MGAM2: variants seen among roughly 807,000 people sequenced by gnomAD.
MGAM2 encodes maltase-glucoamylase 2 (putative), also known as probable maltase-glucoamylase 2.
Under a neutral mutation model 96.1 loss-of-function variants are expected in MGAM2, and 98 were observed. The observed-to-expected ratio is 1.02, with a 90% CI of 0.87 to 1.21. MGAM2 has a LOEUF of 1.21. Among genes scored for constraint, MGAM2 ranks in the 50% most tolerant of loss-of-function variants. The pLI is 0.00. For synonymous variants in MGAM2, 749 were observed against 414.8 expected, an observed-to-expected ratio of 1.81 and a Z score of -9.79; for missense variants, 2,055 against 1,182.4, an observed-to-expected ratio of 1.74 and a Z score of -10.82.
rs1443908425 is a variant in MGAM2 at position 142,161,232 on chromosome 7, C to A, written c.2434+19C>A. On this transcript the variant is annotated intron_variant, in intron 22 of 47. Coordinates refer to ENST00000477922, the MANE Select transcript of MGAM2 (RefSeq NM_001293626.2). ...TCTAAAGGTAGACTTTCTCAAGGCA[C>A]CATCCCTGTGGATCACTGTGGTTCT... 1 of 701,544 alleles carries A rather than the reference C, an allele frequency of 1.4e-6. No individual in the cohort carries two copies. The highest frequency in any genetic ancestry group is 2.6e-6 in the Non-Finnish European group (1 of 384,098). The allele number at this position is 701,544 out of a possible 1,614,324, so 43.5% of individuals were successfully genotyped here. A position where few individuals can be genotyped will look rare whatever the true frequency, so the allele number is the denominator to read the frequency against.
Position 142,188,109 on chromosome 7 carries a change from AACACACACACACACACACACAC to A in MGAM2, c.4207+296_4207+317del, listed in dbSNP as rs60052742. Reference sequence around the variant, plus strand: ...TGCTAAAATTTTAAATAAACCCTTAAACACACACACACACACACACACACACACACACACACACACACGTGGA... The same window carrying A: ...TGCTAAAATTTTAAATAAACCCTTAAACACACACACACACACACACGTGGA... On this transcript the variant is annotated intron_variant, in intron 36 of 47. Coordinates refer to ENST00000477922, the MANE Select transcript of MGAM2 (RefSeq NM_001293626.2). Among the ~76,000 whole-genome samples the A allele has an allele frequency of 1.7e-4, 25 of 143,660 alleles. 1 individual carries two copies. Among genetic ancestry groups the A allele is most frequent in the African/African-American group, 6.0e-4 (23 of 38,546 alleles). 94.2% of individuals were successfully genotyped at this position (143,660 alleles called of 152,430 possible). A position where few individuals can be genotyped will look rare whatever the true frequency, so the allele number is the denominator to read the frequency against.
At chr7:142,218,035 G>A (rs1797816581) in intron 46 of MGAM2, among the ~76,000 whole-genome samples, 1 of 152,118 alleles carries the variant, frequency 6.6e-6, no homozygotes, top group African/African-American at 2.4e-5. Context: ...AGTGAGCCCA[G>A]ACCACGCCAT....
intron 1 of MGAM2, among the ~76,000 whole-genome samples, chr7:142,115,031 C>T (rs961251872): frequency 2.6e-5 from 4 of 152,110 alleles, no homozygotes; most frequent in East Asian, 1.9e-4. Flanking sequence ...GCCTGGCCAA[C>T]GTGGTGAAAT....
In MGAM2 at chr7:142,221,471, A is replaced by C. The variant is rs2129109325; in HGVS notation, c.6960A>C (p.Thr2320=). 1.7e-6 allele frequency: 1 copy of C among 576,574 alleles called. No individual in the cohort carries two copies. The highest frequency in any genetic ancestry group is 1.9e-5 in the African/African-American group (1 of 53,712). The allele number at this position is 576,574 out of a possible 1,614,324, so 35.7% of individuals were successfully genotyped here. The stretch of plus-strand genomic sequence containing the variant: ...CTTCTATTTTGAGCATGTTTCCAAC[A>C]AGTAATACATTCACTACTGATAAAA... ...SITSILSMFP[T]SNTFTTDKIT... is the part of the protein sequence containing the mutation. Residue 2320 remains threonine (T), a synonymous_variant, in exon 48 of 48, where the codon ACA becomes ACC. Coordinates refer to ENST00000477922, the MANE Select transcript of MGAM2 (RefSeq NM_001293626.2).
At chr7:142,159,719 A>T in intron 20 of MGAM2, among the ~76,000 whole-genome samples, 1 of 152,198 alleles carries the variant, frequency 6.6e-6, no homozygotes, top group South Asian at 2.1e-4. Context: ...CACTCTGGGT[A>T]TTAAGTTTCA....
rs535378816 is a variant in MGAM2, at chr7:142,171,439, C to T, written c.3350C>T (p.Ala1117Val). ...ATGTTTGCTCATGATGAGCCACCTG[C>T]GGTAGGGACAAAGGAATAAGTTTAG... is the stretch of plus-strand genomic sequence containing the variant. Reference protein sequence around the residue: ...WGMFAHDEPPAYKKNSYGVHP... With the variant: ...WGMFAHDEPPVYKKNSYGVHP... The change falls in exon 28 of 48, where the codon GCG becomes GTG. Residue 1117 changes from alanine to valine, a missense_variant and splice_region_variant. Transcript: ENST00000477922. The T allele has an allele frequency of 6.8e-5, 48 of 702,646 alleles. No individual in the cohort carries two copies. The highest frequency in any genetic ancestry group is 1.1e-4 in the Non-Finnish European group (41 of 384,690). 43.5% of individuals were successfully genotyped at this position (702,646 alleles called of 1,614,324 possible).
chr7:142,169,964 A>G (rs1796141044), intron 26 of MGAM2, 111 bp from the exon 27 acceptor site: 1 of 572,288 alleles, frequency 1.7e-6, no homozygotes, highest in Admixed American at 3.2e-5. Flanking sequence ...TTTGATGCCT[A>G]CTGATATGGT....
chr7:142,153,998 C>G lies in MGAM2; in HGVS notation c.1635-20C>G, dbSNP rs1486245962. On this transcript the variant is annotated intron_variant, in intron 15 of 47. Transcript: ENST00000477922. ...CATTCACAGCCCACCTCACACTCCA[C>G]TGGATGTATTCCTTTCCAGAGCCCT... 4.9e-6 allele frequency: 3 copies of G among 617,022 alleles called. No homozygotes were observed. The South Asian group carries it at 5.6e-5, about 12-fold the overall frequency. 38.2% of individuals were successfully genotyped at this position (617,022 alleles called of 1,614,324 possible).
In MGAM2 at chr7:142,112,675, G is replaced by A. The variant is rs551606361; in HGVS notation, c.-1+868G>A. Among the ~76,000 whole-genome samples, 126 of 151,986 alleles carry A rather than the reference G, an allele frequency of 8.3e-4. 3 individuals carry two copies. In the South Asian group the frequency reaches 0.017, roughly 21 times the overall value. ...TTCAAGTACTATTTTAAAAAGTAGC[G>A]GCTCTCGGTGTTTGTCTCAGTTCCA... On this transcript the variant is annotated intron_variant, in intron 1 of 47. Transcript: ENST00000477922.
At chr7:142,128,414 A>T (rs1329923024) in intron 3 of MGAM2, among the ~76,000 whole-genome samples, 1 of 152,268 alleles carries the variant, frequency 6.6e-6, no homozygotes, top group Non-Finnish European at 1.5e-5. Context: ...TACATAAGTA[A>T]CAAGGAGTCA....
chr7:142,125,334 G>A (rs1794702301), intron 3 of MGAM2, among the ~76,000 whole-genome samples: 2 of 152,102 alleles, frequency 1.3e-5, no homozygotes, highest in South Asian at 4.1e-4. Context: ...CTGGGATATT[G>A]GTAATGGTTG....
chr7:142,166,218 G>A lies in MGAM2; in HGVS notation c.2773G>A (p.Glu925Lys), dbSNP rs1212969222. ...CTACCCTGATGATCCAACAGCCTCT[G>A]AGGAGAGTTGTAGGCAGCGGGGGTG... is the stretch of plus-strand genomic sequence containing the variant. ...NCYPDDPTAS[E>K]ESCRQRGCLW... Residue 925 changes from glutamate to lysine, a missense_variant, in exon 25 of 48, where the codon GAG (glutamate) becomes AAG (lysine). By Grantham distance (56) the Glu-to-Lys change is moderately conservative (BLOSUM62 1). Coordinates refer to ENST00000477922, the MANE Select transcript of MGAM2 (RefSeq NM_001293626.2). The A allele has an allele frequency of 1.4e-6, 1 of 702,488 alleles. No homozygotes were observed. Among genetic ancestry groups the A allele is most frequent in the Non-Finnish European group, 2.6e-6 (1 of 384,736 alleles). The allele number at this position is 702,488 out of a possible 1,614,324, so 43.5% of individuals were successfully genotyped here.
At chr7:142,178,504 T>G (rs1796443395) in intron 32 of MGAM2, among the ~76,000 whole-genome samples, 1 of 152,218 alleles carries the variant, frequency 6.6e-6, no homozygotes, top group African/African-American at 2.4e-5. Flanking sequence ...ATTTAAGTCT[T>G]TAATCTATCT....
Position 142,153,383 on chromosome 7 carries a change from T to G in MGAM2, c.1635-635T>G, listed in dbSNP as rs1002779418. Among the ~76,000 whole-genome samples, 11 of 152,350 alleles carry G rather than the reference T, an allele frequency of 7.2e-5. No individual in the cohort carries two copies. In the East Asian group the frequency reaches 2.1e-3, roughly 29 times the overall value. ...AAATAATATTTTCTATGTTAGTTGT[T>G]TTTAACTTTATAGAAAGTATCAGAT... is the stretch of plus-strand genomic sequence containing the variant. On this transcript the variant is annotated intron_variant, in intron 15 of 47. Coordinates refer to ENST00000477922, the MANE Select transcript of MGAM2 (RefSeq NM_001293626.2).
chr7:142,137,563 G>C lies in MGAM2; in HGVS notation c.960+18G>C. On this transcript the variant is annotated intron_variant, in intron 9 of 47. Transcript: ENST00000477922. ...ACTTGGAGGTATGTCTTTGCATTTA[G>C]ATAGTCATTATTTACTGCTGTTATC... The C allele has an allele frequency of 1.5e-6, 1 of 686,924 alleles. No individual in the cohort carries two copies. Among genetic ancestry groups the C allele is most frequent in the Non-Finnish European group, 2.6e-6 (1 of 378,350 alleles). 42.6% of individuals were successfully genotyped at this position (686,924 alleles called of 1,614,324 possible). A position where few individuals can be genotyped will look rare whatever the true frequency, so the allele number is the denominator to read the frequency against.
rs1201480131 is a variant in MGAM2 at position 142,221,896 on chromosome 7, C to T, written c.7385C>T (p.Ser2462Phe). The change falls in exon 48 of 48, where the codon TCT becomes TTT. Residue 2462 changes from serine (S) to phenylalanine (F), a missense_variant. Transcript: ENST00000477922. ...DSQTPHMVINSVATYLPITAT... is the reference protein window; with the variant it reads ...DSQTPHMVINFVATYLPITAT... ...CAAACTCCCCATATGGTAATAAATT[C>T]TGTGGCTACTTATTTACCTATTACT... 1 of 399,846 alleles carries T rather than the reference C, an allele frequency of 2.5e-6. No individual in the cohort carries two copies. Among genetic ancestry groups the T allele is most frequent in the Non-Finnish European group, 4.4e-6 (1 of 226,936 alleles). 24.8% of individuals were successfully genotyped at this position (399,846 alleles called of 1,614,324 possible).
chr7:142,139,061 T>C (rs904892117), intron 10 of MGAM2, among the ~76,000 whole-genome samples: 4 of 152,182 alleles, frequency 2.6e-5, no homozygotes, highest in Admixed American at 6.5e-5. Flanking sequence ...TTAGCTATTA[T>C]GTTATTAGAG....
At position 142,114,208 on chromosome 7, in the gene MGAM2, A is replaced by AAGAG. The variant is rs1184258811; in HGVS notation, c.-1+2404_-1+2405insGAGA. ...AAAGAAAGAAAGAAAGAAAGAAAGA[A>AAGAG]AGAAAGAGAGAAAGAAAGAAAGAAA... On this transcript the variant is annotated intron_variant, in intron 1 of 47. Transcript: ENST00000477922. Among the ~76,000 whole-genome samples, 27 of 133,560 alleles carry AAGAG rather than the reference A, an allele frequency of 2.0e-4. 3 individuals are homozygous for AAGAG. Among genetic ancestry groups the AAGAG allele is most frequent in the East Asian group, 1.2e-3 (6 of 4,834 alleles). The allele number at this position is 133,560 out of a possible 152,430, so 87.6% of individuals were successfully genotyped here. A position where few individuals can be genotyped will look rare whatever the true frequency, so the allele number is the denominator to read the frequency against.
At position 142,148,222 on chromosome 7, in the gene MGAM2, C is replaced by G. The variant is rs1795446760; in HGVS notation, c.1634+649C>G. 6.6e-6 allele frequency among the ~76,000 whole-genome samples: 1 copy of G among 151,718 alleles called. No homozygotes were observed. The highest frequency in any genetic ancestry group is 6.6e-5 in the Admixed American group (1 of 15,218). ...GCCATCACCACCACCATCACTACCACTACTATCACCATCACCACCACCACA... is the reference window on the plus strand; with the variant it reads ...GCCATCACCACCACCATCACTACCAGTACTATCACCATCACCACCACCACA... On this transcript the variant is annotated intron_variant, in intron 15 of 47. Transcript: ENST00000477922. This position sits in a 1 kb window ranked among gnomAD's most constrained non-coding sequence, Gnocchi z 4.2.
Sources: allele counts gnomAD v4.1 joint callset (sites outside exome capture counted in the v4.1 genomes callset), GRCh38; gene constraint gnomAD v4.1.1; non-coding constraint Gnocchi (gnomAD v3.1); transcripts MANE v1.5; gene names NCBI Gene and HGNC (gene_info 2026-07-23, HGNC 2026-07-21).